DTNB: variants seen among roughly 807,000 people sequenced by gnomAD.
DTNB encodes the protein DTN-B.
In DTNB, 63 loss-of-function variants were observed where a neutral mutation model predicts 90.7. The observed-to-expected ratio is 0.69, with a 90% CI of 0.57 to 0.86. The LOEUF (loss-of-function observed/expected upper bound fraction) is 0.86. DTNB is among the 40% of genes least tolerant of loss of function. DTNB has a pLI of 0.00. For synonymous variants in DTNB, 277 were observed against 286.7 expected (o/e 0.97, Z 0.34); for missense variants, 744 against 807.1 (o/e 0.92, Z 0.95).
intron 15 of DTNB, among the ~76,000 whole-genome samples, chr2:25,421,408 G>A (rs140106789): frequency 9.2e-5 from 14 of 152,336 alleles, no homozygotes; most frequent in South Asian, 4.1e-4. Flanking sequence ...TAGGCACAGA[G>A]CGCTGAACAC....
intron 1 of DTNB, among the ~76,000 whole-genome samples, chr2:25,658,045 T>C (rs1214649604): frequency 2.0e-5 from 3 of 151,764 alleles, no homozygotes; most frequent in African/African-American, 7.3e-5. Context: ...TCATCTGAGG[T>C]CAGGAGTTCG....
chr2:25,504,190 C>T (rs1189926972), intron 9 of DTNB, among the ~76,000 whole-genome samples: 3 of 152,050 alleles, frequency 2.0e-5, no homozygotes, highest in South Asian at 4.1e-4. Context: ...ATTGCTTGAA[C>T]CCGGCAGGCA....
intron 9 of DTNB, among the ~76,000 whole-genome samples, chr2:25,499,928 C>T (rs746213687): frequency 6.6e-6 from 1 of 152,124 alleles, no homozygotes; most frequent in Non-Finnish European, 1.5e-5. Context: ...CAGGGTCTTG[C>T]TCTTTCACTC....
chr2:25,581,349 T>G (rs2061526164), intron 6 of DTNB, among the ~76,000 whole-genome samples: 1 of 152,166 alleles, frequency 6.6e-6, no homozygotes, highest in South Asian at 2.1e-4. Flanking sequence ...GGCAAACACC[T>G]AGACATCATT....
intron 16 of DTNB, among the ~76,000 whole-genome samples, chr2:25,389,036 C>T (rs1041045797): frequency 1.3e-5 from 2 of 152,016 alleles, no homozygotes; most frequent in Non-Finnish European, 2.9e-5. Flanking sequence ...TTAGTAGATA[C>T]GGGGTTTCAA....
At chr2:25,454,042 C>T (rs941896565) in intron 11 of DTNB, among the ~76,000 whole-genome samples, 5 of 151,250 alleles carry the variant, frequency 3.3e-5, no homozygotes, top group Admixed American at 1.3e-4. Flanking sequence ...CCCAGCTACT[C>T]GGGAGGTTGA....
At chr2:25,610,072 G>A (rs1377739969) in intron 4 of DTNB, among the ~76,000 whole-genome samples, 10 of 152,174 alleles carry the variant, frequency 6.6e-5, no homozygotes, top group Non-Finnish European at 1.3e-4. Flanking sequence ...AGTCTAAGCA[G>A]TGTGAAGTCT....
chr2:25,434,908 C>T (rs1030224594), intron 12 of DTNB, among the ~76,000 whole-genome samples: 1 of 152,070 alleles, frequency 6.6e-6, no homozygotes, highest in Non-Finnish European at 1.5e-5. Flanking sequence ...TTACTTACTA[C>T]TTTTTTCTTT....
chr2:25,478,399 C>T lies in DTNB; in HGVS notation c.1079+4397G>A, dbSNP rs77421254. ...TTATGTGAAGAAGGAAAATTCTGGA[C>T]GTGGAAATGTGTACGGGAAGGCTTG... is the stretch of plus-strand genomic sequence containing the variant. On this transcript the variant is annotated intron_variant, in intron 10 of 20. Transcript: ENST00000406818. Among the ~76,000 whole-genome samples, 754 of 152,184 alleles carry T rather than the reference C, an allele frequency of 5.0e-3. 4 individuals carry two copies. Among genetic ancestry groups the T allele is most frequent in the African/African-American group, 0.016 (665 of 41,508 alleles).
At chr2:25,600,228 G>A (rs10746531) in intron 5 of DTNB, among the ~76,000 whole-genome samples, 78,013 of 152,122 alleles carry the variant, frequency 0.51, 20,486 homozygotes, top group African/African-American at 0.6. Flanking sequence ...TCCCCTTCTC[G>A]CTCACTAGCT....
intron 9 of DTNB, among the ~76,000 whole-genome samples, chr2:25,514,268 C>T (rs2074547193): frequency 6.6e-6 from 1 of 152,080 alleles, no homozygotes; most frequent in East Asian, 1.9e-4. Context: ...AGGGGCACAT[C>T]AGGCAAAGGA....
chr2:25,541,539 G>T (rs1429312843), intron 8 of DTNB, among the ~76,000 whole-genome samples: 4 of 151,988 alleles, frequency 2.6e-5, no homozygotes, highest in African/African-American at 9.7e-5. Context: ...GTTCAGTAGG[G>T]TGAAGTATAT....
intron 8 of DTNB, among the ~76,000 whole-genome samples, chr2:25,544,266 G>A (rs1380359308): frequency 2.0e-5 from 3 of 152,202 alleles, no homozygotes; most frequent in East Asian, 3.8e-4. Context: ...TCCTGTGCCA[G>A]GGCTGAGACT....
chr2:25,528,690 C>A (rs539359744), intron 9 of DTNB, among the ~76,000 whole-genome samples: 1 of 152,026 alleles, frequency 6.6e-6, no homozygotes, highest in South Asian at 2.1e-4. Flanking sequence ...TAACAGCATA[C>A]GCTTACCAAA....
rs1037658531 is a variant in DTNB at position 25,424,648 on chromosome 2, G to A, written c.1554+2887C>T. ...TTTCTGAAAAGGGAGATGTGACACAGGGAAGAGGTGAGTGGATCCCCTATT... is the reference window on the plus strand; with the variant it reads ...TTTCTGAAAAGGGAGATGTGACACAAGGAAGAGGTGAGTGGATCCCCTATT... On this transcript the variant is annotated intron_variant, in intron 15 of 20. Coordinates refer to ENST00000406818, the MANE Select transcript of DTNB (RefSeq NM_021907.5). This position sits in a 1 kb window ranked among gnomAD's most constrained non-coding sequence, Gnocchi z 4.1. Among the ~76,000 whole-genome samples the A allele has an allele frequency of 3.9e-5, 6 of 151,990 alleles. No individual in the cohort carries two copies. The highest frequency in any genetic ancestry group is 1.5e-4 in the African/African-American group (6 of 41,364).
At chr2:25,659,033 G>T (rs927014031) in intron 1 of DTNB, among the ~76,000 whole-genome samples, 2 of 151,912 alleles carry the variant, frequency 1.3e-5, no homozygotes, top group African/African-American at 4.8e-5. Context: ...TAAGTTTCGG[G>T]ACTACAGGAG....
intron 9 of DTNB, among the ~76,000 whole-genome samples, chr2:25,489,797 A>G (rs2066982135): frequency 6.6e-6 from 1 of 152,132 alleles, no homozygotes; most frequent in African/African-American, 2.4e-5. Context: ...TAAAACCATC[A>G]GAAAAGAAAA....
At chr2:25,532,121 C>T (rs1451029398) in intron 8 of DTNB, among the ~76,000 whole-genome samples, 4 of 151,848 alleles carry the variant, frequency 2.6e-5, no homozygotes, top group African/African-American at 9.7e-5. Context: ...TGGTGCATGC[C>T]TGTAATCCGT....
intron 4 of DTNB, among the ~76,000 whole-genome samples, chr2:25,619,376 C>T (rs2071777188): frequency 6.6e-6 from 1 of 152,198 alleles, no homozygotes; most frequent in South Asian, 2.1e-4. Flanking sequence ...ATTTACAAAA[C>T]TTCACAGTGA....
Sources: gnomAD v4.1 joint callset for allele counts (sites outside exome capture counted in the v4.1 genomes callset) on GRCh38, gnomAD v4.1.1 for gene constraint, Gnocchi (gnomAD v3.1) non-coding constraint, MANE v1.5 for transcripts, NCBI Gene and HGNC (gene_info 2026-07-23, HGNC 2026-07-21) for gene names.